The following SIRPD variants were observed in gnomAD, a reference collection of about 807,000 sequenced individuals.
The protein encoded by SIRPD is signal regulatory protein delta, also known as signal-regulatory protein delta.
SIRPD carries 21 observed loss-of-function variants against 18.0 expected under a neutral mutation model. The ratio of observed to expected loss-of-function variants is 1.17; its 90% confidence interval spans 0.83 to 1.68. The LOEUF is 1.68. SIRPD is among the 40% of genes most tolerant of loss of function. The pLI is 0.00. For synonymous variants in SIRPD, 106 were observed against 92.9 expected (o/e 1.14, Z -0.81); for missense variants, 295 against 238.4 (o/e 1.24, Z -1.56).
In SIRPD at chr20:1,551,898, G is replaced by A. The variant is rs552135708; in HGVS notation, c.214C>T (p.Arg72Trp). ...TGTTTGAAATTGTAGATTAATTTCC[G>A]GTTTGGCCCTGTTCCCTTGAACCAC... ...VLWFKGTGPN[R>W]KLIYNFKQGN... Residue 72 changes from arginine to tryptophan, a missense_variant, in exon 2 of 4, where the codon CGG (arginine) becomes TGG (tryptophan). Transcript: ENST00000381623. The A allele has an allele frequency of 2.3e-5, 37 of 1,614,074 alleles. No individual in the cohort carries two copies. The highest frequency in any genetic ancestry group is 6.7e-5 in the African/African-American group (5 of 75,014).
intron 1 of SIRPD, among the ~76,000 whole-genome samples, chr20:1,552,509 C>G (rs1600073320): frequency 2.0e-5 from 3 of 152,082 alleles, no homozygotes; most frequent in Admixed American, 6.6e-5. Flanking sequence ...GAGAGATGCA[C>G]AGAAGAAGTT....
At chr20:1,548,301 A>G (rs1387601445) in intron 2 of SIRPD, among the ~76,000 whole-genome samples, 7 of 151,650 alleles carry the variant, frequency 4.6e-5, no homozygotes, top group Non-Finnish European at 8.8e-5. Flanking sequence ...TTTTTTGAGT[A>G]CCTTTTTAAA....
intron 2 of SIRPD, among the ~76,000 whole-genome samples, chr20:1,537,664 G>C (rs1382842119): frequency 2.6e-5 from 4 of 152,094 alleles, no homozygotes; most frequent in African/African-American, 9.7e-5. Flanking sequence ...CAGGAGGAGG[G>C]CTCCCGGGAA....
rs112902008 is a variant in SIRPD at position 1,557,207 on chromosome 20, C to T, written c.73+374G>A. On this transcript the variant is annotated intron_variant, in intron 1 of 3. Coordinates refer to ENST00000381623, the MANE Select transcript of SIRPD (RefSeq NM_178460.3). ...GGTGGAAGTTGTAGTGAGCCAAGAT[C>T]GCACCACTGCACTCCAGCCTAGGTG... 9.5e-3 allele frequency among the ~76,000 whole-genome samples: 1,449 copies of T among 152,058 alleles called. 21 individuals are homozygous for T. The highest frequency in any genetic ancestry group is 0.033 in the African/African-American group (1,358 of 41,460).
intron 2 of SIRPD, among the ~76,000 whole-genome samples, chr20:1,538,096 C>T (rs1411670346): frequency 6.6e-6 from 1 of 152,176 alleles, no homozygotes. Context: ...AAATCACATT[C>T]AGAGCCTCTA....
chr20:1,539,662 G>C (rs1349037481), intron 2 of SIRPD, among the ~76,000 whole-genome samples: 6 of 152,168 alleles, frequency 3.9e-5, no homozygotes, highest in Admixed American at 2.6e-4. Flanking sequence ...TAATGAAAAA[G>C]TAAAAGTAAC....
At chr20:1,543,881 C>T (rs1256474239) in intron 2 of SIRPD, among the ~76,000 whole-genome samples, 1 of 152,206 alleles carries the variant, frequency 6.6e-6, no homozygotes, top group African/African-American at 2.4e-5. Context: ...ACCCAGTAGT[C>T]ATTCAGGAGC....
At chr20:1,541,064 G>A (rs1470641094) in intron 2 of SIRPD, among the ~76,000 whole-genome samples, 1 of 152,122 alleles carries the variant, frequency 6.6e-6, no homozygotes, top group East Asian at 1.9e-4. Flanking sequence ...GTGGTTTCAA[G>A]TCTTTGCTAT....
intron 2 of SIRPD, 131 bp downstream of exon 2, chr20:1,551,560 A>T (rs1226495502): frequency 5.4e-6 from 4 of 745,638 alleles, no homozygotes; most frequent in African/African-American, 1.8e-5. Context: ...TGCTGAGAGA[A>T]TTAAAAAGAT....
At chr20:1,552,373 C>T (rs1419423802) in intron 1 of SIRPD, among the ~76,000 whole-genome samples, 1 of 152,146 alleles carries the variant, frequency 6.6e-6, no homozygotes. Flanking sequence ...CCTAGAGTCA[C>T]TCGGTACATT....
chr20:1,536,492 G>A (rs894498721), intron 3 of SIRPD, among the ~76,000 whole-genome samples: 3 of 148,850 alleles, frequency 2.0e-5, no homozygotes, highest in East Asian at 4.2e-4. Flanking sequence ...GAGAAGAATG[G>A]TTGCCTCTCC....
intron 2 of SIRPD, among the ~76,000 whole-genome samples, chr20:1,548,303 C>A (rs550280534): frequency 6.6e-6 from 1 of 151,574 alleles, no homozygotes; most frequent in Non-Finnish European, 1.5e-5. Flanking sequence ...TTTTGAGTAC[C>A]TTTTTAAATA....
chr20:1,553,122 G>C (rs1277094208), intron 1 of SIRPD, among the ~76,000 whole-genome samples: 1 of 152,214 alleles, frequency 6.6e-6, no homozygotes, highest in Non-Finnish European at 1.5e-5. Context: ...TCAAGTGTCA[G>C]GGAATGACTC....
At chr20:1,545,084 T>C (rs2090987977) in intron 2 of SIRPD, among the ~76,000 whole-genome samples, 1 of 152,196 alleles carries the variant, frequency 6.6e-6, no homozygotes, top group Non-Finnish European at 1.5e-5. Flanking sequence ...ATCTGGCGAT[T>C]GTGTGTCTTG....
intron 2 of SIRPD, among the ~76,000 whole-genome samples, chr20:1,538,487 C>T (rs111970391): frequency 1.0e-3 from 155 of 152,228 alleles, no homozygotes; most frequent in African/African-American, 3.3e-3. Flanking sequence ...TCATGCTCTT[C>T]GACACTCTTC....
At chr20:1,547,532 C>T (rs2090998792) in intron 2 of SIRPD, among the ~76,000 whole-genome samples, 1 of 152,250 alleles carries the variant, frequency 6.6e-6, no homozygotes, top group South Asian at 2.1e-4. Context: ...GCTGGGATTA[C>T]AGGCGTGAGC....
At chr20:1,555,828 A>T (rs1211625454) in intron 1 of SIRPD, among the ~76,000 whole-genome samples, 1 of 152,240 alleles carries the variant, frequency 6.6e-6, no homozygotes, top group African/African-American at 2.4e-5. Context: ...GTCCATTTGT[A>T]ATTCAGATAT....
chr20:1,553,578 A>G (rs1435499401), intron 1 of SIRPD, among the ~76,000 whole-genome samples: 2 of 152,120 alleles, frequency 1.3e-5, no homozygotes, highest in Non-Finnish European at 2.9e-5. Context: ...TTCTTCGTAA[A>G]ACCTTAGAAG....
At chr20:1,546,143 C>T (rs544327650) in intron 2 of SIRPD, among the ~76,000 whole-genome samples, 4 of 152,308 alleles carry the variant, frequency 2.6e-5, no homozygotes, top group Admixed American at 2.0e-4. Context: ...AGAGCTCAAG[C>T]GCTGTGCTGG....
Sources: allele counts gnomAD v4.1 joint callset (sites outside exome capture counted in the v4.1 genomes callset), GRCh38; gene constraint gnomAD v4.1.1; transcripts MANE v1.5; gene names NCBI Gene and HGNC (gene_info 2026-07-23, HGNC 2026-07-21).